The following MYOM1 variants were observed in gnomAD, a reference collection of about 807,000 sequenced individuals.
The protein encoded by MYOM1 is myomesin-1.
MYOM1 carries 164 observed loss-of-function variants against 205.3 expected under a neutral mutation model. The observed-to-expected ratio is 0.80, with a 90% CI of 0.70 to 0.91. The LOEUF is 0.91. Among genes scored for constraint, MYOM1 ranks in the 40% least tolerant of loss-of-function variants. The probability of loss-of-function intolerance (pLI) is 0.00; values close to 1 mark genes in which losing one functional copy is unlikely to be tolerated. For missense variants in MYOM1, 2,011 were observed against 2,127.3 expected, an observed-to-expected ratio of 0.95 and a Z score of 1.08; for synonymous variants, 772 against 789.4, an observed-to-expected ratio of 0.98 and a Z score of 0.37.
At chr18:3,136,986 G>T (rs1235872023) in intron 14 of MYOM1, among the ~76,000 whole-genome samples, 2 of 149,944 alleles carry the variant, frequency 1.3e-5, no homozygotes, top group South Asian at 2.1e-4. Context: ...AGTCTCGCTG[G>T]GTCGCCCAGG....
chr18:3,106,733 G>A (rs537125240), intron 22 of MYOM1, among the ~76,000 whole-genome samples: 2 of 152,308 alleles, frequency 1.3e-5, no homozygotes, highest in South Asian at 4.1e-4. Flanking sequence ...TGAGGTAGGA[G>A]GATCACTTGA....
intron 2 of MYOM1, among the ~76,000 whole-genome samples, chr18:3,205,283 A>C (rs1246892988): frequency 6.6e-6 from 1 of 152,162 alleles, no homozygotes; most frequent in Non-Finnish European, 1.5e-5. Context: ...AAGAGAAGGA[A>C]AAGACAAGGC....
chr18:3,067,611 T>C (rs1267038434), intron 37 of MYOM1, 56 bp from the exon 38 acceptor site: 21 of 1,556,116 alleles, frequency 1.3e-5, no homozygotes, highest in Non-Finnish European at 1.6e-5. Flanking sequence ...ATAGACACAC[T>C]GTCAACAATC....
intron 2 of MYOM1, among the ~76,000 whole-genome samples, chr18:3,208,477 C>G (rs1412195732): frequency 6.6e-6 from 1 of 152,126 alleles, no homozygotes; most frequent in African/African-American, 2.4e-5. Flanking sequence ...GAGCTGAGAT[C>G]GCACCACTGC....
chr18:3,165,287 C>G (rs188681967), intron 9 of MYOM1, among the ~76,000 whole-genome samples: 28 of 152,222 alleles, frequency 1.8e-4, no homozygotes, highest in Non-Finnish European at 3.7e-4. Flanking sequence ...TGAATTTATA[C>G]AGTTTCATTT....
At chr18:3,097,147 T>C (rs78284642) in intron 25 of MYOM1, among the ~76,000 whole-genome samples, 1 of 152,240 alleles carries the variant, frequency 6.6e-6, no homozygotes, top group African/African-American at 2.4e-5. Context: ...AATAAGACAG[T>C]TTAAAACTTT....
chr18:3,072,973 ATTTTTTTTT>A lies in MYOM1; in HGVS notation c.4709-1093_4709-1085del, dbSNP rs770278592. On this transcript the variant is annotated intron_variant, in intron 36 of 37. Coordinates refer to ENST00000356443, the MANE Select transcript of MYOM1 (RefSeq NM_003803.4). ...ATTGGAGGCTCATGCAGATGTAAGC[ATTTTTTTTT>A]TTTTTTTTTTTTTTTAAGAGACAGG... Among the ~76,000 whole-genome samples the A allele has an allele frequency of 1.9e-3, 199 of 102,446 alleles. 2 individuals are homozygous for A. The highest frequency in any genetic ancestry group is 6.7e-3 in the African/African-American group (177 of 26,242). 67.2% of individuals were successfully genotyped at this position (102,446 alleles called of 152,430 possible).
At chr18:3,113,125 T>TA (rs36166711) in intron 21 of MYOM1, among the ~76,000 whole-genome samples, 11 of 150,800 alleles carry the variant, frequency 7.3e-5, no homozygotes, top group Admixed American at 2.6e-4. Context: ...CTAAGAGCTG[T>TA]AAAAAAAAAG....
intron 14 of MYOM1, among the ~76,000 whole-genome samples, chr18:3,136,157 C>T (rs545795380): frequency 1.1e-4 from 16 of 152,210 alleles, no homozygotes; most frequent in South Asian, 6.2e-4. Context: ...ACGTGCCTTT[C>T]GCCTTCCACC....
intron 37 of MYOM1, among the ~76,000 whole-genome samples, chr18:3,070,207 T>G (rs1165459387): frequency 1.3e-5 from 2 of 152,196 alleles, no homozygotes; most frequent in African/African-American, 4.8e-5. Context: ...AGTGAAGTGG[T>G]ATGGTGTCAT....
At chr18:3,094,042 GAGA>G (rs2143725428) in intron 26 of MYOM1, 125 bp downstream of exon 26, 1 of 869,220 alleles carries the variant, frequency 1.2e-6, no homozygotes, top group East Asian at 2.6e-5. Context: ...TTTCACTTGT[GAGA>G]AGGATTTAAA....
chr18:3,169,786 T>G (rs187123245), intron 8 of MYOM1, among the ~76,000 whole-genome samples: 263 of 152,284 alleles, frequency 1.7e-3, no homozygotes, highest in Admixed American at 3.5e-3. Flanking sequence ...AGCAATCCCA[T>G]TGCTGGGTTT....
Position 3,188,461 on chromosome 18 carries a change from A to AAAAAAAAAAC in MYOM1, c.771+286_771+287insGTTTTTTTTT, listed in dbSNP as rs564275878. Among the ~76,000 whole-genome samples the AAAAAAAAAAC allele has an allele frequency of 5.8e-3, 872 of 150,684 alleles. 11 individuals are homozygous for AAAAAAAAAAC. The highest frequency in any genetic ancestry group is 0.019 in the African/African-American group (757 of 40,722). ...GCGAAACCCCACCTCTACCAGAAAA[A>AAAAAAAAAAC]AAAAAACAACAACGAAAATTAGCTG... On this transcript the variant is annotated intron_variant, in intron 4 of 37. Coordinates refer to ENST00000356443, the MANE Select transcript of MYOM1 (RefSeq NM_003803.4).
chr18:3,169,055 G>T, intron 8 of MYOM1, 74 bp from the exon 9 acceptor site: 1 of 1,256,246 alleles, frequency 8.0e-7, no homozygotes, highest in Non-Finnish European at 1.1e-6. Context: ...ATAAGCACAG[G>T]CAGAAAGCAG....
At chr18:3,239,561 G>A in the MYOM1 span, among the ~76,000 whole-genome samples, 2 of 152,056 alleles carry the variant, frequency 1.3e-5, no homozygotes, top group East Asian at 3.9e-4. Flanking sequence ...TCAAGACCAA[G>A]CCTGAGCAAC....
At chr18:3,210,768 G>T (rs1232586558) in intron 2 of MYOM1, among the ~76,000 whole-genome samples, 1 of 152,284 alleles carries the variant, frequency 6.6e-6, no homozygotes, top group East Asian at 1.9e-4. Flanking sequence ...ACTGTAACTG[G>T]CATTGGGTGC....
At chr18:3,198,328 C>A (rs1449774804) in intron 2 of MYOM1, among the ~76,000 whole-genome samples, 1 of 152,214 alleles carries the variant, frequency 6.6e-6, no homozygotes, top group African/African-American at 2.4e-5. Context: ...AAGCCAGCAT[C>A]ACCCATCCTT....
intron 21 of MYOM1, among the ~76,000 whole-genome samples, chr18:3,115,578 A>G (rs2143815336): frequency 1.3e-5 from 2 of 152,328 alleles, no homozygotes; most frequent in Non-Finnish European, 2.9e-5. Context: ...AGTCAGTCAC[A>G]TTTCATTCTA....
chr18:3,083,991 A>AT lies in MYOM1; in HGVS notation c.4375dup (p.Ile1459AsnfsTer33). On this transcript the variant is annotated frameshift_variant, in exon 32 of 38. Coordinates refer to ENST00000356443, the MANE Select transcript of MYOM1 (RefSeq NM_003803.4). LOFTEE classifies it high-confidence loss of function. ...GTGGTGCGAAATGTTTGACTCACCT[A>AT]TTTTTTTGCATACTTCCATCATCAG... is the stretch of plus-strand genomic sequence containing the variant. 2.5e-6 allele frequency: 4 copies of AT among 1,588,490 alleles called. No homozygotes were observed. Among genetic ancestry groups the AT allele is most frequent in the Non-Finnish European group, 2.6e-6 (3 of 1,165,906 alleles).
Sources: allele counts gnomAD v4.1 joint callset (sites outside exome capture counted in the v4.1 genomes callset), GRCh38; gene constraint gnomAD v4.1.1; transcripts MANE v1.5; gene names NCBI Gene and HGNC (gene_info 2026-07-23, HGNC 2026-07-21).